Variants in SLC2A9 observed in about 807,000 individuals in gnomAD.
SLC2A9 encodes the protein solute carrier family 2, facilitated glucose transporter member 9.
A neutral mutation model predicts 50.6 loss-of-function variants in SLC2A9; 39 were observed. The ratio of observed to expected loss-of-function variants is 0.77; its 90% CI spans 0.60 to 1.01. SLC2A9 has a LOEUF of 1.01. Among genes scored for constraint, SLC2A9 ranks in the 50% least tolerant of loss-of-function variants. The pLI is 0.00. For synonymous variants in SLC2A9, 324 were observed against 276.9 expected, an observed-to-expected ratio of 1.17 and a Z score of -1.69; for missense variants, 686 against 677.6, an observed-to-expected ratio of 1.01 and a Z score of -0.14.
downstream of SLC2A9, among the ~76,000 whole-genome samples, chr4:9,822,359 T>C (rs1054910320): frequency 1.3e-5 from 2 of 152,166 alleles, no homozygotes; most frequent in Non-Finnish European, 2.9e-5. Flanking sequence ...TGCTTTTATT[T>C]TTCTAGTTTC....
At chr4:9,970,706 A>G (rs1753763915) in intron 5 of SLC2A9, among the ~76,000 whole-genome samples, 1 of 151,802 alleles carries the variant, frequency 6.6e-6, no homozygotes. Flanking sequence ...GGTTACAATG[A>G]GGGAAGAAAG....
intron 8 of SLC2A9, among the ~76,000 whole-genome samples, chr4:9,901,938 G>A (rs1739707954): frequency 6.6e-6 from 1 of 152,208 alleles, no homozygotes; most frequent in Non-Finnish European, 1.5e-5. Context: ...GAGACATTTT[G>A]CCTGGCTTTG....
chr4:9,783,106 T>C (rs775783414), intron 3 of SLC2A9: 5 of 1,614,246 alleles, frequency 3.1e-6, no homozygotes, highest in Non-Finnish European at 3.4e-6. Flanking sequence ...CCGTCATCTA[T>C]GCCTTCAACG....
At chr4:9,782,468 C>T in intron 3 of SLC2A9, 2 of 1,613,964 alleles carry the variant, frequency 1.2e-6, no homozygotes, top group Non-Finnish European at 1.7e-6. Flanking sequence ...CAGGCCCTTC[C>T]GCTACAAGCG....
At chr4:9,805,878 A>AT (rs1432064846) in intron 3 of SLC2A9, among the ~76,000 whole-genome samples, 1 of 152,144 alleles carries the variant, frequency 6.6e-6, no homozygotes, top group African/African-American at 2.4e-5. Context: ...TCTCACTATA[A>AT]TTCTAGAAGT....
chr4:9,973,076 G>A (rs545119551), intron 5 of SLC2A9, among the ~76,000 whole-genome samples: 5 of 152,142 alleles, frequency 3.3e-5, no homozygotes, highest in Non-Finnish European at 4.4e-5. Context: ...AAAGAGAGAC[G>A]ATCCAAATAA....
intron 10 of SLC2A9, among the ~76,000 whole-genome samples, chr4:9,862,424 T>C (rs963678481): frequency 2.6e-5 from 4 of 152,120 alleles, no homozygotes; most frequent in African/African-American, 7.3e-5. Context: ...CACTACTCAT[T>C]CCCTGGGTGT....
intron 3 of SLC2A9, among the ~76,000 whole-genome samples, chr4:9,817,031 G>A (rs2139238): frequency 0.038 from 5,757 of 152,094 alleles, 322 homozygotes; most frequent in East Asian, 0.25. Flanking sequence ...CCCTTCCTCC[G>A]TCTTCAAGGC....
intron 10 of SLC2A9, among the ~76,000 whole-genome samples, chr4:9,886,688 G>A (rs1207979264): frequency 9.2e-5 from 14 of 152,032 alleles, no homozygotes; most frequent in Non-Finnish European, 2.1e-4. Context: ...GAAACTTACT[G>A]TTTGCATCCA....
At chr4:9,908,386 G>T (rs748093061) in intron 7 of SLC2A9, 41 bp from the exon 8 acceptor site, 2 of 1,373,590 alleles carry the variant, frequency 1.5e-6, no homozygotes, top group South Asian at 2.3e-5. Flanking sequence ...ATGGTCAGTG[G>T]AAGGACTTAA....
chr4:9,972,034 T>A (rs1753988487), intron 5 of SLC2A9, among the ~76,000 whole-genome samples: 1 of 152,216 alleles, frequency 6.6e-6, no homozygotes. Flanking sequence ...TTTGTCTTCT[T>A]TCACCTCCCT....
At chr4:9,965,246 G>T (rs35380388) in intron 5 of SLC2A9, among the ~76,000 whole-genome samples, 9,345 of 152,250 alleles carry the variant, frequency 0.061, 771 homozygotes, top group East Asian at 0.46. Context: ...GCAGATCCAG[G>T]CAGTCGGGCA....
Position 9,782,548 on chromosome 4 carries a change from C to A in SLC2A9, n.386-2483G>T, listed in dbSNP as rs763423111. Reference sequence around the variant, plus strand: ...GGACCTTGTCCATCCTCATCTCCTTCATTCCGGTCCAGCTCAACTGGCACA... The same window carrying A: ...GGACCTTGTCCATCCTCATCTCCTTAATTCCGGTCCAGCTCAACTGGCACA... On this transcript the variant is annotated intron_variant and non_coding_transcript_variant, in intron 3 of 3. Transcript: ENST00000503803. The A allele has an allele frequency of 4.3e-6, 7 of 1,614,012 alleles. No individual in the cohort carries two copies. The South Asian group carries it at 7.7e-5, about 18-fold the overall frequency.
At chr4:9,838,376 T>C (rs541750083) in intron 10 of SLC2A9, among the ~76,000 whole-genome samples, 13 of 152,282 alleles carry the variant, frequency 8.5e-5, no homozygotes, top group African/African-American at 3.1e-4. Context: ...CACAAACAAA[T>C]GGAAAAACAT....
At chr4:9,787,099 A>T (rs1206339098) in intron 3 of SLC2A9, among the ~76,000 whole-genome samples, 1 of 152,188 alleles carries the variant, frequency 6.6e-6, no homozygotes, top group African/African-American at 2.4e-5. Flanking sequence ...CACCTTTCTG[A>T]GCTCCAGCTT....
chr4:9,939,594 G>GTT (rs34540530), intron 6 of SLC2A9, among the ~76,000 whole-genome samples: 1 of 146,526 alleles, frequency 6.8e-6, no homozygotes, highest in African/African-American at 2.5e-5. Context: ...CCCATCCTTG[G>GTT]TTTTTTTTTT....
intron 3 of SLC2A9, among the ~76,000 whole-genome samples, chr4:9,820,088 T>A (rs1724196899): frequency 6.6e-6 from 1 of 152,262 alleles, no homozygotes; most frequent in Admixed American, 6.5e-5. Flanking sequence ...TTCTCCTAAG[T>A]TTTTTTCTAA....
intron 10 of SLC2A9, among the ~76,000 whole-genome samples, chr4:9,872,623 T>C (rs1733635098): frequency 6.6e-6 from 1 of 152,250 alleles, no homozygotes; most frequent in Non-Finnish European, 1.5e-5. Flanking sequence ...GATATATATA[T>C]TCTTTTTGTG....
upstream of SLC2A9, chr4:10,025,724 C>T: frequency 1.6e-6 from 1 of 618,042 alleles, no homozygotes; most frequent in South Asian, 1.9e-5. Flanking sequence ...TGAGCCTCAT[C>T]CCAGACACTC....
Sources: gnomAD v4.1 joint callset for allele counts (sites outside exome capture counted in the v4.1 genomes callset) on GRCh38, gnomAD v4.1.1 for gene constraint, MANE v1.5 for transcripts, NCBI Gene and HGNC (gene_info 2026-07-23, HGNC 2026-07-21) for gene names.